The following SUGCT variants were observed in gnomAD, a reference collection of about 807,000 sequenced individuals.
SUGCT encodes succinyl-CoA:glutarate-CoA transferase, also known as succinyl-CoA:glutarate CoA-transferase.
In SUGCT, 41 loss-of-function variants were observed where a neutral mutation model predicts 55.0. The ratio of observed to expected loss-of-function variants is 0.74; its 90% confidence interval spans 0.58 to 0.97. The LOEUF is 0.97. Ranked by LOEUF, SUGCT falls within the 50% of genes least tolerant of loss-of-function variation. The pLI is 0.00. For missense variants in SUGCT, 568 were observed against 547.8 expected (o/e 1.04, Z -0.37); for synonymous variants, 187 against 200.4 (o/e 0.93, Z 0.56).
At chr7:40,596,179 T>C (rs775269338) in intron 12 of SUGCT, among the ~76,000 whole-genome samples, 5 of 152,200 alleles carry the variant, frequency 3.3e-5, no homozygotes, top group Non-Finnish European at 5.9e-5. Context: ...AACTGTTCAA[T>C]TTAGAAACCA....
intron 11 of SUGCT, among the ~76,000 whole-genome samples, chr7:40,460,828 G>GT (rs1434251713): frequency 1.3e-5 from 2 of 152,074 alleles, no homozygotes; most frequent in Non-Finnish European, 2.9e-5. Flanking sequence ...CAGCATTTTG[G>GT]TATCTATAAG....
the SUGCT span, among the ~76,000 whole-genome samples, chr7:40,975,038 G>T: frequency 6.6e-6 from 1 of 152,148 alleles, no homozygotes; most frequent in Non-Finnish European, 1.5e-5. Context: ...CTTGTTATAG[G>T]CTAAGTGAGT....
At chr7:40,934,502 C>A in the SUGCT span, among the ~76,000 whole-genome samples, 17 of 152,182 alleles carry the variant, frequency 1.1e-4, no homozygotes, top group Admixed American at 1.0e-3. Flanking sequence ...TTTAAGTCTG[C>A]AGAAGTTTCT....
rs572861719 is a variant in SUGCT, at chr7:40,191,321, A to T, written c.363+1727A>T. ...CGTGAGCTACCGCGCCTGGCCTCAA[A>T]CTTTATTTTTTACCAAAACATTAAC... On this transcript the variant is annotated intron_variant, in intron 5 of 13. Coordinates refer to ENST00000335693, the MANE Select transcript of SUGCT (RefSeq NM_001193313.2). 5.7e-4 allele frequency among the ~76,000 whole-genome samples: 86 copies of T among 152,036 alleles called. 2 individuals are homozygous for T. The Middle Eastern group carries it at 0.01, about 18-fold the overall frequency.
chr7:40,585,478 C>T lies in SUGCT; in HGVS notation c.1089+89092C>T, dbSNP rs2158760. Among the ~76,000 whole-genome samples the T allele has an allele frequency of 7.2e-5, 11 of 152,242 alleles. No homozygotes were observed. The East Asian group carries it at 1.7e-3, about 24-fold the overall frequency. ...CTTGAGACAAATCTAGGAAGAACAT[C>T]GTTTTGTGATTCTGTAGATCTTTTG... On this transcript the variant is annotated intron_variant, in intron 12 of 13. Coordinates refer to ENST00000335693, the MANE Select transcript of SUGCT (RefSeq NM_001193313.2).
chr7:40,878,822 C>G, the SUGCT span, among the ~76,000 whole-genome samples: 1 of 149,040 alleles, frequency 6.7e-6, no homozygotes, highest in Non-Finnish European at 1.5e-5. Flanking sequence ...TGAGATGCAG[C>G]CTTGTTCTAT....
At chr7:40,381,755 A>G (rs1253484855) in intron 9 of SUGCT, among the ~76,000 whole-genome samples, 1 of 152,192 alleles carries the variant, frequency 6.6e-6, no homozygotes, top group Non-Finnish European at 1.5e-5. Flanking sequence ...CATTAAAAAA[A>G]TCACAAACAC....
intron 12 of SUGCT, among the ~76,000 whole-genome samples, chr7:40,506,549 T>G (rs918336139): frequency 6.6e-6 from 1 of 152,204 alleles, no homozygotes; most frequent in South Asian, 2.1e-4. Context: ...ACAATTGATG[T>G]GTTTGAGTTC....
intron 1 of SUGCT, among the ~76,000 whole-genome samples, chr7:40,157,923 T>C (rs1050354592): frequency 1.3e-5 from 2 of 152,118 alleles, no homozygotes; most frequent in African/African-American, 4.8e-5. Context: ...ATGTGGTATT[T>C]TGGGGCCAGG....
At chr7:40,293,006 G>C (rs183355478) in intron 8 of SUGCT, among the ~76,000 whole-genome samples, 3 of 152,262 alleles carry the variant, frequency 2.0e-5, no homozygotes, top group African/African-American at 7.2e-5. Flanking sequence ...CTAGAAGACA[G>C]GTTCAGAGCT....
chr7:40,453,009 T>C (rs752268129), intron 10 of SUGCT, among the ~76,000 whole-genome samples: 71 of 152,212 alleles, frequency 4.7e-4, no homozygotes, highest in Non-Finnish European at 9.1e-4. Context: ...CACTTGAGTA[T>C]AGTTGAACCT....
chr7:40,888,448 CAA>C, the SUGCT span, among the ~76,000 whole-genome samples: 32 of 124,272 alleles, frequency 2.6e-4, no homozygotes, highest in Non-Finnish European at 2.8e-4. Context: ...AGACTCCATC[CAA>C]AAAAAAAAAA....
At chr7:40,629,299 G>A (rs1325392676) in intron 12 of SUGCT, among the ~76,000 whole-genome samples, 2 of 152,166 alleles carry the variant, frequency 1.3e-5, no homozygotes, top group Non-Finnish European at 2.9e-5. Context: ...CCAGTCATTA[G>A]ACATGACAGA....
intron 6 of SUGCT, among the ~76,000 whole-genome samples, chr7:40,208,775 G>A (rs1787156556): frequency 6.6e-6 from 1 of 151,980 alleles, no homozygotes; most frequent in Non-Finnish European, 1.5e-5. Flanking sequence ...GAACTCCTGA[G>A]CTCAGGCAAT....
chr7:40,397,588 G>A (rs1031163127), intron 9 of SUGCT, among the ~76,000 whole-genome samples: 1 of 152,164 alleles, frequency 6.6e-6, no homozygotes, highest in African/African-American at 2.4e-5. Context: ...TCCAGTCTAA[G>A]TTGCTTTTGT....
intron 12 of SUGCT, among the ~76,000 whole-genome samples, chr7:40,546,057 T>C (rs182057891): frequency 7.1e-4 from 108 of 152,302 alleles, no homozygotes; most frequent in Non-Finnish European, 1.3e-3. Context: ...CACTCAAATG[T>C]CTTTCACCTT....
At chr7:40,403,437 G>A (rs1422914873) in intron 9 of SUGCT, among the ~76,000 whole-genome samples, 1 of 152,182 alleles carries the variant, frequency 6.6e-6, no homozygotes, top group Non-Finnish European at 1.5e-5. Context: ...AACACTTGCA[G>A]GGACACTGAA....
chr7:40,935,554 G>T, the SUGCT span, among the ~76,000 whole-genome samples: 1 of 152,070 alleles, frequency 6.6e-6, no homozygotes, highest in Admixed American at 6.6e-5. Context: ...TGCTTTCAAG[G>T]TTCATTAATA....
At position 40,135,013 on chromosome 7, in the gene SUGCT, C is replaced by G. The variant is rs1447604770; in HGVS notation, c.-8C>G. On this transcript the variant is annotated 5_prime_UTR_variant, in exon 1 of 14. Transcript: ENST00000335693. ...GCACCGGGACCGATGCCATCTGAGA[C>G]GCACGCGATGCTGGCGACGCTGGCG... The G allele has an allele frequency of 6.4e-7, 1 of 1,558,470 alleles. No homozygotes were observed. Among genetic ancestry groups the G allele is most frequent in the Non-Finnish European group, 8.7e-7 (1 of 1,153,204 alleles).
Sources: allele counts gnomAD v4.1 joint callset (sites outside exome capture counted in the v4.1 genomes callset), GRCh38; gene constraint gnomAD v4.1.1; transcripts MANE v1.5; gene names NCBI Gene and HGNC (gene_info 2026-07-23, HGNC 2026-07-21).